Variants in LPIN1 observed in about 807,000 individuals in gnomAD.
LPIN1 encodes the protein phosphatidate phosphatase LPIN1.
A neutral mutation model predicts 107.5 loss-of-function variants in LPIN1; 71 were observed. The observed-to-expected ratio is 0.66, with a 90% CI of 0.55 to 0.80. The LOEUF is 0.80. Among genes scored for constraint, LPIN1 ranks in the 30% least tolerant of loss-of-function variants. The pLI is 0.00. For synonymous variants in LPIN1, 445 were observed against 452.6 expected (o/e 0.98, Z 0.21); for missense variants, 1,043 against 1,160.6 (o/e 0.90, Z 1.47).
At chr2:11,701,135 A>G (rs1662852168) in intron 1 of LPIN1, among the ~76,000 whole-genome samples, 2 of 151,374 alleles carry the variant, frequency 1.3e-5, no homozygotes, top group South Asian at 2.1e-4. Flanking sequence ...CTCCTGGTCA[A>G]CTCTTACCTG....
At chr2:11,767,682 G>A (rs1671143354) in intron 2 of LPIN1, 81 bp from the exon 3 acceptor site, 2 of 853,132 alleles carry the variant, frequency 2.3e-6, no homozygotes, top group Non-Finnish European at 4.1e-6. Flanking sequence ...TAGCGTATCT[G>A]TGGAGACTTG....
chr2:11,785,152 G>A (rs1379330768), intron 10 of LPIN1, 76 bp downstream of exon 10: 6 of 1,169,468 alleles, frequency 5.1e-6, no homozygotes, highest in Non-Finnish European at 7.0e-6. Context: ...TCTCCAAGGA[G>A]TGCGTGTCAA....
intron 2 of LPIN1, among the ~76,000 whole-genome samples, chr2:11,714,096 G>C (rs1311860868): frequency 6.6e-6 from 1 of 152,204 alleles, no homozygotes; most frequent in Non-Finnish European, 1.5e-5. Flanking sequence ...TGATTAAAAA[G>C]CCTTCAATGG....
chr2:11,794,311 A>C (rs1171075274), intron 13 of LPIN1, among the ~76,000 whole-genome samples: 1 of 152,210 alleles, frequency 6.6e-6, no homozygotes, highest in African/African-American at 2.4e-5. Flanking sequence ...ACCAGTTTGC[A>C]TTAAGTGGAG....
At chr2:11,744,361 A>G (rs1666678194), upstream of LPIN1, among the ~76,000 whole-genome samples, 1 of 152,186 alleles carries the variant, frequency 6.6e-6, no homozygotes, top group South Asian at 2.1e-4. Context: ...GGGCTTTGGA[A>G]AGTCCGGTTT....
rs543019260 is a variant in LPIN1 at position 11,786,314 on chromosome 2, C to A, written c.1550-760C>A. On this transcript the variant is annotated intron_variant, in intron 10 of 20. Coordinates refer to ENST00000674199, the MANE Select transcript of LPIN1 (RefSeq NM_001349206.2). This position sits in a 1 kb window ranked among gnomAD's most constrained non-coding sequence, Gnocchi z 4.1. ...TCAGTGTCTGATGTCTGCTGGGTTT[C>A]GGTTCGGTTCAGGGTAAATAGGAGC... Among the ~76,000 whole-genome samples the A allele has an allele frequency of 2.0e-5, 3 of 152,110 alleles. No homozygotes were observed. Among genetic ancestry groups the A allele is most frequent in the East Asian group, 3.9e-4 (2 of 5,176 alleles).
At chr2:11,823,488 A>C (rs566133022) in intron 20 of LPIN1, among the ~76,000 whole-genome samples, 3 of 152,354 alleles carry the variant, frequency 2.0e-5, no homozygotes, top group Non-Finnish European at 2.9e-5. Flanking sequence ...ACTGTTTCTC[A>C]TAAGTCCTTT....
intron 1 of LPIN1, among the ~76,000 whole-genome samples, chr2:11,680,903 T>C (rs1661679576): frequency 6.6e-6 from 1 of 152,238 alleles, no homozygotes; most frequent in Admixed American, 6.5e-5. Flanking sequence ...CCTAGCATTG[T>C]CAGTTACAAC....
intron 1 of LPIN1, among the ~76,000 whole-genome samples, chr2:11,728,326 G>A (rs1445596691): frequency 6.6e-6 from 1 of 151,896 alleles, no homozygotes; most frequent in Non-Finnish European, 1.5e-5. Flanking sequence ...CTTTTAACTG[G>A]TATATTCATT....
chr2:11,741,402 C>T, exon 2 of LPIN1: 1 of 1,550,492 alleles, frequency 6.4e-7, no homozygotes, highest in Non-Finnish European at 8.7e-7. Context: ...TAACAGAAGA[C>T]AACTAGAAAC....
rs1008067615 is a variant in LPIN1 at position 11,815,117 on chromosome 2, C to T, written c.2279C>T (p.Ala760Val). Residue 760 changes from alanine to valine, a missense_variant, in exon 18 of 21, where the codon GCC becomes GTC. Coordinates refer to ENST00000674199, the MANE Select transcript of LPIN1 (RefSeq NM_001349206.2). ...GGATATAAATTTCTCTACTGTTCTG[C>T]CCGTGCCATCGGGATGGCGGACATG... Reference protein sequence around the residue: ...QNGYKFLYCSARAIGMADMTR... With the variant: ...QNGYKFLYCSVRAIGMADMTR... 4.0e-5 allele frequency: 64 copies of T among 1,614,054 alleles called. No homozygotes were observed. The highest frequency in any genetic ancestry group is 5.3e-5 in the Non-Finnish European group (62 of 1,180,020).
chr2:11,800,792 C>G (rs974403210), intron 14 of LPIN1, among the ~76,000 whole-genome samples: 1 of 152,186 alleles, frequency 6.6e-6, no homozygotes, highest in African/African-American at 2.4e-5. Context: ...GGTACTTCTT[C>G]TCTTATGAAA....
At chr2:11,819,156 T>G (rs947477073) in intron 18 of LPIN1, 2 of 275,082 alleles carry the variant, frequency 7.3e-6, no homozygotes, top group Admixed American at 5.1e-5. Flanking sequence ...TTTTTAGGTT[T>G]TGTTTTTAAG....
intron 12 of LPIN1, among the ~76,000 whole-genome samples, chr2:11,789,538 G>A (rs1286421784): frequency 1.4e-5 from 2 of 147,878 alleles, no homozygotes; most frequent in African/African-American, 2.4e-5. Context: ...ACATGTGTGC[G>A]TGCATGTGTG....
At chr2:11,783,671 C>T (rs1452293039) in intron 8 of LPIN1, among the ~76,000 whole-genome samples, 158 bp from the exon 9 acceptor site, 2 of 152,198 alleles carry the variant, frequency 1.3e-5, no homozygotes, top group Non-Finnish European at 2.9e-5. Flanking sequence ...TTTTACCAGA[C>T]AAAATAGAAC....
At chr2:11,766,768 C>CACAA (rs546814117) in intron 2 of LPIN1, among the ~76,000 whole-genome samples, 74 of 78,766 alleles carry the variant, frequency 9.4e-4, no homozygotes, top group Middle Eastern at 0.011. Context: ...AAAAAACAAA[C>CACAA]ACAAACAAAC....
intron 1 of LPIN1, among the ~76,000 whole-genome samples, chr2:11,712,797 C>A (rs1572372341): frequency 6.6e-6 from 1 of 152,188 alleles, no homozygotes; most frequent in Non-Finnish European, 1.5e-5. Flanking sequence ...TAGGACAATA[C>A]ATCCCTTAGG....
At chr2:11,720,389 C>T (rs147262516), upstream of LPIN1, among the ~76,000 whole-genome samples, 35 of 152,260 alleles carry the variant, frequency 2.3e-4, no homozygotes, top group African/African-American at 6.5e-4. Flanking sequence ...CCTCCTATAG[C>T]ATCTGTCTGC....
Position 11,765,401 on chromosome 2 carries a change from A to G in LPIN1, c.-9-132A>G. 1 of 778,116 alleles carries G rather than the reference A, an allele frequency of 1.3e-6. No individual in the cohort carries two copies. Among genetic ancestry groups the G allele is most frequent in the Non-Finnish European group, 2.1e-6 (1 of 481,590 alleles). 48.2% of individuals were successfully genotyped at this position (778,116 alleles called of 1,614,324 possible). A position where few individuals can be genotyped will look rare whatever the true frequency, so the allele number is the denominator to read the frequency against. ...TGGGCTATGGGGGTGGATAGAACAC[A>G]TTCCGGAAATGAGAGGAGCTGAAAG... is the stretch of plus-strand genomic sequence containing the variant. On this transcript the variant is annotated intron_variant, in intron 1 of 20. Transcript: ENST00000674199. This position sits in a 1 kb window ranked among gnomAD's most constrained non-coding sequence, Gnocchi z 4.4.
Sources: gnomAD v4.1 joint callset for allele counts (sites outside exome capture counted in the v4.1 genomes callset) on GRCh38, gnomAD v4.1.1 for gene constraint, Gnocchi (gnomAD v3.1) non-coding constraint, MANE v1.5 for transcripts, NCBI Gene and HGNC (gene_info 2026-07-23, HGNC 2026-07-21) for gene names.